PDZRN3: variants seen among roughly 807,000 people sequenced by gnomAD.
The protein encoded by PDZRN3 is E3 ubiquitin-protein ligase PDZRN3.
A neutral mutation model predicts 85.7 loss-of-function variants in PDZRN3; 38 were observed. The ratio of observed to expected loss-of-function variants is 0.44; its 90% confidence interval spans 0.34 to 0.58. The LOEUF (loss-of-function observed/expected upper bound fraction) is 0.58, where lower values mean the gene tolerates loss of function less well. Among genes scored for constraint, PDZRN3 ranks in the 20% least tolerant of loss-of-function variants. The pLI, the probability that PDZRN3 is intolerant of heterozygous loss-of-function variation, is 0.01. For missense variants in PDZRN3, 1,629 were observed against 1,506.4 expected, an observed-to-expected ratio of 1.08 and a Z score of -1.35; for synonymous variants, 759 against 638.0, an observed-to-expected ratio of 1.19 and a Z score of -2.86.
chr3:73,562,285 A>G (rs868752731), intron 3 of PDZRN3, among the ~76,000 whole-genome samples: 6 of 152,186 alleles, frequency 3.9e-5, no homozygotes, highest in African/African-American at 1.4e-4. Flanking sequence ...GTAAAAGCTA[A>G]TAAAAGAAAT....
intron 3 of PDZRN3, among the ~76,000 whole-genome samples, chr3:73,475,782 T>C (rs577893851): frequency 1.3e-5 from 2 of 152,240 alleles, no homozygotes; most frequent in Non-Finnish European, 2.9e-5. Context: ...GATCAAAAAA[T>C]ATGTACCAGA....
intron 3 of PDZRN3, among the ~76,000 whole-genome samples, chr3:73,561,201 AT>A (rs1701807642): frequency 5.9e-5 from 9 of 152,364 alleles, no homozygotes; most frequent in Admixed American, 5.9e-4. Flanking sequence ...TGCAAGCAGT[AT>A]AACTGTTTTG....
intron 3 of PDZRN3, among the ~76,000 whole-genome samples, chr3:73,474,850 C>T (rs772920451): frequency 5.9e-5 from 9 of 152,140 alleles, no homozygotes; most frequent in Non-Finnish European, 1.2e-4. Context: ...CCTCATAACA[C>T]AGTCCTTCAG....
At chr3:73,404,469 T>A in intron 3 of PDZRN3, 74 bp from the exon 4 acceptor site, 3 of 1,438,918 alleles carry the variant, frequency 2.1e-6, no homozygotes, top group Non-Finnish European at 2.8e-6. Flanking sequence ...ATGAATTGCC[T>A]GCTTTCATGT....
chr3:73,539,300 G>C (rs1183941972), intron 3 of PDZRN3, among the ~76,000 whole-genome samples: 1 of 152,204 alleles, frequency 6.6e-6, no homozygotes, highest in Non-Finnish European at 1.5e-5. Flanking sequence ...TTTCAATCAA[G>C]GGATGTTTTG....
intron 3 of PDZRN3, among the ~76,000 whole-genome samples, chr3:73,411,747 C>T (rs569346532): frequency 2.0e-5 from 3 of 152,350 alleles, no homozygotes; most frequent in Admixed American, 1.3e-4. Context: ...CCTGGTTGAA[C>T]AGTCCATGAA....
chr3:73,493,137 G>A (rs187807385), intron 3 of PDZRN3, among the ~76,000 whole-genome samples: 58 of 151,900 alleles, frequency 3.8e-4, no homozygotes, highest in Admixed American at 1.6e-3. Flanking sequence ...TTTCTCCTTG[G>A]CCTCAGAGGC....
At chr3:73,483,019 A>C (rs1317920729) in intron 3 of PDZRN3, among the ~76,000 whole-genome samples, 1 of 152,234 alleles carries the variant, frequency 6.6e-6, no homozygotes, top group Non-Finnish European at 1.5e-5. Flanking sequence ...AGAGAACAGA[A>C]GAGAACAAAC....
intron 3 of PDZRN3, among the ~76,000 whole-genome samples, chr3:73,423,418 C>G (rs1389103710): frequency 6.6e-6 from 1 of 152,172 alleles, no homozygotes; most frequent in Non-Finnish European, 1.5e-5. Flanking sequence ...CTGTTATTCT[C>G]CCAGATGTCT....
chr3:73,597,215 A>AC (rs752856262), intron 3 of PDZRN3, among the ~76,000 whole-genome samples: 1 of 152,090 alleles, frequency 6.6e-6, no homozygotes, highest in African/African-American at 2.4e-5. Flanking sequence ...GTGAAATCTC[A>AC]CTTTGTTCCA....
intron 1 of PDZRN3, among the ~76,000 whole-genome samples, chr3:73,617,026 G>C (rs556956808): frequency 7.2e-5 from 11 of 152,236 alleles, no homozygotes; most frequent in African/African-American, 2.6e-4. Context: ...CTTCACCCAC[G>C]ATCTGATGGG....
At chr3:73,527,046 C>T (rs142570649) in intron 3 of PDZRN3, among the ~76,000 whole-genome samples, 1,989 of 152,226 alleles carry the variant, frequency 0.013, 28 homozygotes, top group Non-Finnish European at 0.021. Flanking sequence ...TGTTGCCATG[C>T]TGGCCAGGCT....
At chr3:73,436,863 T>C (rs552560198) in intron 3 of PDZRN3, among the ~76,000 whole-genome samples, 105 of 151,928 alleles carry the variant, frequency 6.9e-4, no homozygotes, top group African/African-American at 2.5e-3. Flanking sequence ...CTGGCCAACA[T>C]GGTGAAACCC....
At chr3:73,455,349 G>C (rs1309288023) in intron 3 of PDZRN3, among the ~76,000 whole-genome samples, 1 of 152,228 alleles carries the variant, frequency 6.6e-6, no homozygotes, top group African/African-American at 2.4e-5. Flanking sequence ...TACAGAGTAA[G>C]TGCTAGAACC....
At chr3:73,535,956 A>G (rs1364697707) in intron 3 of PDZRN3, among the ~76,000 whole-genome samples, 15 of 152,256 alleles carry the variant, frequency 9.9e-5, no homozygotes, top group Admixed American at 9.8e-4. Flanking sequence ...CTGTAATTAT[A>G]TATTATGTAA....
intron 3 of PDZRN3, among the ~76,000 whole-genome samples, chr3:73,420,575 A>C (rs1293404677): frequency 6.6e-6 from 1 of 152,236 alleles, no homozygotes; most frequent in Non-Finnish European, 1.5e-5. Flanking sequence ...TCCTTTCAAG[A>C]AAATGATGTA....
intron 3 of PDZRN3, among the ~76,000 whole-genome samples, chr3:73,519,744 A>C (rs1175593322): frequency 1.3e-5 from 2 of 152,202 alleles, no homozygotes; most frequent in Non-Finnish European, 2.9e-5. Context: ...GAACAGTAGC[A>C]TCACATCACC....
At chr3:73,457,762 C>A (rs956304765) in intron 3 of PDZRN3, among the ~76,000 whole-genome samples, 1 of 152,134 alleles carries the variant, frequency 6.6e-6, no homozygotes, top group Non-Finnish European at 1.5e-5. Context: ...GCCATGAGTG[C>A]CCTTCTAAGA....
chr3:73,541,267 G>C (rs945891572), intron 3 of PDZRN3, among the ~76,000 whole-genome samples: 2 of 152,166 alleles, frequency 1.3e-5, no homozygotes, highest in Non-Finnish European at 2.9e-5. Context: ...CATGTTCACT[G>C]TAGAAAGTCC....
Sources: gnomAD v4.1 joint callset for allele counts (sites outside exome capture counted in the v4.1 genomes callset) on GRCh38, gnomAD v4.1.1 for gene constraint, MANE v1.5 for transcripts, NCBI Gene and HGNC (gene_info 2026-07-23, HGNC 2026-07-21) for gene names.